C14orf39: variants seen among roughly 807,000 people sequenced by gnomAD.
C14orf39 encodes the protein chromosome 14 open reading frame 39.
A neutral mutation model predicts 85.6 loss-of-function variants in C14orf39; 66 were observed. That is an observed-to-expected ratio of 0.77 (90% CI 0.63 to 0.95). C14orf39 has a LOEUF of 0.95. C14orf39 is among the 40% of genes least tolerant of loss of function. The pLI, the probability that C14orf39 is intolerant of heterozygous loss-of-function variation, is 0.00. For synonymous variants in C14orf39, 242 were observed against 214.0 expected (o/e 1.13, Z -1.14); for missense variants, 735 against 663.9 (o/e 1.11, Z -1.18).
At chr14:60,506,046 C>T (rs1893199247) in intron 1 of C14orf39, among the ~76,000 whole-genome samples, 1 of 152,228 alleles carries the variant, frequency 6.6e-6, no homozygotes, top group African/African-American at 2.4e-5. Context: ...TGGACATCAT[C>T]TTCTACATGA....
upstream of C14orf39, among the ~76,000 whole-genome samples, chr14:60,489,711 C>T (rs1454231545): frequency 1.3e-5 from 2 of 152,188 alleles, no homozygotes; most frequent in African/African-American, 2.4e-5. Context: ...TATTCAATCT[C>T]TTCCATTTAA....
At chr14:60,448,005 A>C (rs947323202) in intron 16 of C14orf39, among the ~76,000 whole-genome samples, 1 of 152,216 alleles carries the variant, frequency 6.6e-6, no homozygotes, top group Non-Finnish European at 1.5e-5. Context: ...GAAAGCTGAA[A>C]CTGGATCCCT....
Position 60,436,725 on chromosome 14 carries a change from A to G in C14orf39, c.*120T>C. 1.5e-6 allele frequency: 1 copy of G among 648,882 alleles called. No individual in the cohort carries two copies. The highest frequency in any genetic ancestry group is 2.6e-6 in the Non-Finnish European group (1 of 389,968). The allele number at this position is 648,882 out of a possible 1,614,324, so 40.2% of individuals were successfully genotyped here. ...ATATTTCAATAAATATAATCAAATA[A>G]TGTAAACATTACTGCTTTAATCAAT... On this transcript the variant is annotated 3_prime_UTR_variant, in exon 18 of 18. Coordinates refer to ENST00000321731, the MANE Select transcript of C14orf39 (RefSeq NM_174978.3).
chr14:60,509,413 C>A, intron 1 of C14orf39: 1 of 1,599,514 alleles, frequency 6.3e-7, no homozygotes, highest in Admixed American at 1.7e-5. Context: ...TCCAGCTGCC[C>A]ATCTTGAATT....
At chr14:60,477,689 A>G (rs1241977517) in intron 5 of C14orf39, among the ~76,000 whole-genome samples, 1 of 152,244 alleles carries the variant, frequency 6.6e-6, no homozygotes, top group East Asian at 1.9e-4. Context: ...ACAGGTAACT[A>G]TTCCCCGAGA....
At chr14:60,506,509 G>A (rs1893205260) in intron 1 of C14orf39, among the ~76,000 whole-genome samples, 1 of 152,130 alleles carries the variant, frequency 6.6e-6, no homozygotes, top group Non-Finnish European at 1.5e-5. Context: ...CTTTCCCAGG[G>A]GGCTCGGCTC....
At chr14:60,504,493 A>G (rs1893181352) in intron 1 of C14orf39, among the ~76,000 whole-genome samples, 1 of 152,262 alleles carries the variant, frequency 6.6e-6, no homozygotes, top group Non-Finnish European at 1.5e-5. Context: ...AGATTTGAAA[A>G]TTGTCAAAAA....
In C14orf39 at chr14:60,461,586, T is replaced by C. The variant is rs200035275; in HGVS notation, c.980A>G (p.Asn327Ser). Residue 327 changes from asparagine to serine, a missense_variant, in exon 12 of 18, where the codon AAT becomes AGT. Asn to Ser is a conservative substitution (Grantham distance 46). Transcript: ENST00000321731. ...TGAATGGTTATCCACAGCAGAGTCA[T>C]TAAATATCTGAAAGAAAGAAATTAA... Reference protein sequence around the residue: ...RQKENDTQIFNDSAVDNHSKC... With the variant: ...RQKENDTQIFSDSAVDNHSKC... 29 of 1,545,870 alleles carry C rather than the reference T, an allele frequency of 1.9e-5. 1 individual carries two copies. In the African/African-American group the frequency reaches 2.6e-4, roughly 14 times the overall value.
At chr14:60,477,714 G>T (rs1892449081) in intron 5 of C14orf39, among the ~76,000 whole-genome samples, 1 of 152,080 alleles carries the variant, frequency 6.6e-6, no homozygotes, top group Non-Finnish European at 1.5e-5. Flanking sequence ...TGCCTAAACA[G>T]TTCACTCATA....
rs1276732244 is a variant in C14orf39 at position 60,436,642 on chromosome 14, C to A, written c.*203G>T. ...TGACCACGGCTCGCAAAATCAAAAC[C>A]AAAATAAATAATGATTAGTTAATAG... On this transcript the variant is annotated 3_prime_UTR_variant, in exon 18 of 18. Transcript: ENST00000321731. 8.2e-6 allele frequency: 3 copies of A among 366,734 alleles called. No homozygotes were observed. Among genetic ancestry groups the A allele is most frequent in the Admixed American group, 4.6e-5 (1 of 21,938 alleles). 22.7% of individuals were successfully genotyped at this position (366,734 alleles called of 1,614,324 possible).
chr14:60,485,738 C>T (rs1016369210), intron 1 of C14orf39, among the ~76,000 whole-genome samples: 3 of 152,108 alleles, frequency 2.0e-5, no homozygotes, highest in Non-Finnish European at 2.9e-5. Context: ...CCTGTCCTGG[C>T]TTCCCCTCGC....
intron 16 of C14orf39, among the ~76,000 whole-genome samples, chr14:60,449,187 A>T (rs1333665440): frequency 1.3e-5 from 2 of 152,120 alleles, no homozygotes; most frequent in Admixed American, 6.6e-5. Flanking sequence ...AGCATAATTT[A>T]AAAAAAGAAG....
Position 60,511,738 on chromosome 14 carries a change from C to G in C14orf39, c.-144+3657G>C, listed in dbSNP as rs543820873. 27 of 231,532 alleles carry G rather than the reference C, an allele frequency of 1.2e-4. No homozygotes were observed. The South Asian group carries it at 1.6e-3, about 13-fold the overall frequency. 14.3% of individuals were successfully genotyped at this position (231,532 alleles called of 1,614,324 possible). A position where few individuals can be genotyped will look rare whatever the true frequency, so the allele number is the denominator to read the frequency against. On this transcript the variant is annotated intron_variant, in intron 1 of 5. Coordinates refer to the C14orf39 transcript ENST00000556799. Reference sequence around the variant, plus strand: ...AACTTGCTGTTTCTAAACATGCAGGCTGGTGGTGATGGGTTCTGTGTGGAG... The same window carrying G: ...AACTTGCTGTTTCTAAACATGCAGGGTGGTGGTGATGGGTTCTGTGTGGAG...
rs571747314 is a variant in C14orf39 at position 60,443,837 on chromosome 14, G to A, written c.1504-1706C>T. ...ACAAAGATTCCAGAAGAAGGATCAG[G>A]CAGCAATATTTGCTGTTCTGCAATA... is the stretch of plus-strand genomic sequence containing the variant. On this transcript the variant is annotated intron_variant, in intron 16 of 17. Coordinates refer to ENST00000321731, the MANE Select transcript of C14orf39 (RefSeq NM_174978.3). 1.7e-4 allele frequency among the ~76,000 whole-genome samples: 26 copies of A among 152,298 alleles called. 2 individuals carry two copies. Among genetic ancestry groups the A allele is most frequent in the African/African-American group, 6.0e-4 (25 of 41,558 alleles).
chr14:60,457,153 C>A, intron 14 of C14orf39, 58 bp from the exon 15 acceptor site: 1 of 1,084,798 alleles, frequency 9.2e-7, no homozygotes, highest in Non-Finnish European at 1.3e-6. Context: ...TAATGACATA[C>A]ATAAAAATGC....
intron 16 of C14orf39, 40 bp from the exon 17 acceptor site, chr14:60,442,171 G>A (rs1156806878): frequency 3.8e-6 from 5 of 1,321,458 alleles, no homozygotes; most frequent in Non-Finnish European, 4.4e-6. Context: ...TGTGAAATCA[G>A]TAGGACAGTA....
rs776326719 is a variant in C14orf39 at position 60,455,197 on chromosome 14, A to G, written c.1359-52T>C. On this transcript the variant is annotated intron_variant, in intron 15 of 17. Transcript: ENST00000321731. ...TTAAAAATCTATTATTAAACACTGA[A>G]TACTGGTAAGCATCATAAGCAACAG... The G allele has an allele frequency of 3.8e-6, 5 of 1,314,572 alleles. No individual in the cohort carries two copies. In the East Asian group the frequency reaches 1.3e-4, roughly 33 times the overall value. 81.4% of individuals were successfully genotyped at this position (1,314,572 alleles called of 1,614,324 possible).
In C14orf39 at chr14:60,456,426, C is replaced by CTT. The variant is rs11417576; in HGVS notation, c.1358+489_1358+490dup. Among the ~76,000 whole-genome samples the CTT allele has an allele frequency of 3.5e-3, 501 of 142,324 alleles. 2 individuals are homozygous for CTT. Among genetic ancestry groups the CTT allele is most frequent in the Non-Finnish European group, 4.4e-3 (290 of 65,352 alleles). 93.4% of individuals were successfully genotyped at this position (142,324 alleles called of 152,430 possible). On this transcript the variant is annotated intron_variant, in intron 15 of 17. Transcript: ENST00000321731. ...ATGTGACAACAGCTTTTTAGCTTGACTTTTTTTTTTTTTTTAATAGAGTCT... is the reference window on the plus strand; with the variant it reads ...ATGTGACAACAGCTTTTTAGCTTGACTTTTTTTTTTTTTTTTTAATAGAGTCT...
intron 16 of C14orf39, among the ~76,000 whole-genome samples, chr14:60,447,706 A>G (rs549345445): frequency 6.6e-6 from 1 of 152,306 alleles, no homozygotes; most frequent in African/African-American, 2.4e-5. Context: ...TAAAGTTCAT[A>G]TGGAACCCAA....
Sources: gnomAD v4.1 joint callset for allele counts (sites outside exome capture counted in the v4.1 genomes callset) on GRCh38, gnomAD v4.1.1 for gene constraint, MANE v1.5 for transcripts, NCBI Gene and HGNC (gene_info 2026-07-23, HGNC 2026-07-21) for gene names.